The following INPP4B variants were observed in gnomAD, a reference collection of about 807,000 sequenced individuals.
INPP4B encodes inositol polyphosphate 4-phosphatase type II.
INPP4B carries 55 observed loss-of-function variants against 122.5 expected under a neutral mutation model. That is an observed-to-expected ratio of 0.45 (90% CI 0.36 to 0.56). INPP4B has a LOEUF of 0.56. INPP4B is among the 20% of genes least tolerant of loss of function. The probability of loss-of-function intolerance (pLI) is 0.00; values close to 1 mark genes in which losing one functional copy is unlikely to be tolerated. For synonymous variants in INPP4B, 403 were observed against 388.7 expected (o/e 1.04, Z -0.43); for missense variants, 1,000 against 1,097.7 (o/e 0.91, Z 1.26).
intron 16 of INPP4B, among the ~76,000 whole-genome samples, chr4:142,161,318 C>T (rs1561332658): frequency 6.6e-6 from 1 of 151,936 alleles, no homozygotes; most frequent in African/African-American, 2.4e-5. Flanking sequence ...TTGCAATTTC[C>T]TGATGAAATG....
chr4:142,344,072 G>C (rs68057722), intron 7 of INPP4B, among the ~76,000 whole-genome samples: 16,932 of 151,890 alleles, frequency 0.11, 997 homozygotes, highest in East Asian at 0.18. Flanking sequence ...TTTTAATATT[G>C]AATGTGTTTT....
intron 14 of INPP4B, among the ~76,000 whole-genome samples, chr4:142,201,170 A>G (rs968780779): frequency 2.0e-5 from 3 of 152,098 alleles, no homozygotes; most frequent in Admixed American, 2.0e-4. Context: ...GAAGGAAACA[A>G]TTGGAAAGTA....
chr4:142,793,747 T>C (rs1248433722), intron 1 of INPP4B, among the ~76,000 whole-genome samples: 1 of 151,828 alleles, frequency 6.6e-6, no homozygotes, highest in Non-Finnish European at 1.5e-5. Flanking sequence ...ATAAAACCAA[T>C]TGCATTTCAA....
intron 2 of INPP4B, among the ~76,000 whole-genome samples, chr4:142,579,337 T>G (rs911420674): frequency 6.6e-6 from 1 of 152,026 alleles, no homozygotes; most frequent in East Asian, 1.9e-4. Flanking sequence ...AAATATCTCA[T>G]TCAAAGCATA....
chr4:142,838,256 A>G (rs1175891628), intron 1 of INPP4B, among the ~76,000 whole-genome samples: 1 of 152,086 alleles, frequency 6.6e-6, no homozygotes, highest in African/African-American at 2.4e-5. Context: ...TAATTCTAAC[A>G]ATATTGTCTT....
intron 24 of INPP4B, 23 bp downstream of exon 24, chr4:142,086,121 A>G (rs767287829): frequency 7.2e-7 from 1 of 1,390,194 alleles, no homozygotes; most frequent in South Asian, 1.2e-5. Context: ...GCAGGAAATA[A>G]GATTTGACAT....
intron 10 of INPP4B, among the ~76,000 whole-genome samples, chr4:142,266,194 A>G (rs1204458473): frequency 5.3e-5 from 8 of 152,316 alleles, no homozygotes; most frequent in African/African-American, 1.9e-4. Context: ...AGTCTTATAT[A>G]GAACTACAAA....
At chr4:142,152,167 G>A (rs1055373248) in intron 17 of INPP4B, among the ~76,000 whole-genome samples, 1 of 140,716 alleles carries the variant, frequency 7.1e-6, no homozygotes, top group African/African-American at 2.7e-5. Flanking sequence ...TCCGCCTCCC[G>A]GGTTCATGCC....
At chr4:142,210,783 T>C (rs1233504706) in intron 12 of INPP4B, among the ~76,000 whole-genome samples, 1 of 152,160 alleles carries the variant, frequency 6.6e-6, no homozygotes, top group Non-Finnish European at 1.5e-5. Flanking sequence ...TTATATTATC[T>C]CTAAATTATT....
At chr4:142,188,341 G>C (rs1418302877) in intron 15 of INPP4B, among the ~76,000 whole-genome samples, 1 of 151,284 alleles carries the variant, frequency 6.6e-6, no homozygotes, top group Admixed American at 6.6e-5. Flanking sequence ...CAAAAAATTA[G>C]CCAGGCATGG....
chr4:142,100,915 T>C (rs113865172), intron 23 of INPP4B, among the ~76,000 whole-genome samples: 1 of 152,110 alleles, frequency 6.6e-6, no homozygotes, highest in African/African-American at 2.4e-5. Context: ...ATGTGAACTG[T>C]TCAGAGGAAA....
At chr4:142,423,475 G>A (rs1013460107) in intron 5 of INPP4B, among the ~76,000 whole-genome samples, 3 of 151,540 alleles carry the variant, frequency 2.0e-5, no homozygotes, top group Non-Finnish European at 2.9e-5. Context: ...TCCAAAATCA[G>A]TTCACATTAT....
chr4:142,609,160 C>T (rs138945993), intron 2 of INPP4B, among the ~76,000 whole-genome samples: 192 of 151,240 alleles, frequency 1.3e-3, no homozygotes, highest in African/African-American at 4.5e-3. Flanking sequence ...CTTACAGCTC[C>T]GAATAATTTT....
chr4:142,334,267 T>C (rs1775750236), intron 7 of INPP4B, among the ~76,000 whole-genome samples: 1 of 152,246 alleles, frequency 6.6e-6, no homozygotes, highest in South Asian at 2.1e-4. Flanking sequence ...ACTTGTATGA[T>C]ACACACAAAT....
intron 2 of INPP4B, among the ~76,000 whole-genome samples, chr4:142,478,468 C>T (rs1356821865): frequency 1.3e-5 from 2 of 151,878 alleles, no homozygotes; most frequent in African/African-American, 4.8e-5. Context: ...TCCTTCAATG[C>T]CTAGTTGGTT....
At chr4:142,041,197 C>T (rs1383898513) in intron 25 of INPP4B, among the ~76,000 whole-genome samples, 2 of 152,268 alleles carry the variant, frequency 1.3e-5, no homozygotes, top group South Asian at 2.1e-4. Context: ...TATTATCTAA[C>T]TCCATTAAGT....
At chr4:142,558,793 T>TAAAAAAAAAAAAAAAAAAAAAAAAA (rs34151070) in intron 2 of INPP4B, among the ~76,000 whole-genome samples, 1 of 75,546 alleles carries the variant, frequency 1.3e-5, no homozygotes, top group African/African-American at 5.0e-5. Flanking sequence ...AGACTCCCTC[T>TAAAAAAAAAAAAAAAAAAAAAAAAA]AAAAAAAAAA....
Position 142,714,583 on chromosome 4 carries a change from T to C in INPP4B, c.-191+11256A>G, listed in dbSNP as rs141610514. ...TAAACTTGTTGATCATTGATATTAT[T>C]TCCCTGATTCTATTTGTTTTTGCTT... On this transcript the variant is annotated intron_variant, in intron 2 of 25. Transcript: ENST00000262992. 2.3e-3 allele frequency among the ~76,000 whole-genome samples: 343 copies of C among 152,346 alleles called. 1 individual carries two copies. Among genetic ancestry groups the C allele is most frequent in the African/African-American group, 7.5e-3 (313 of 41,578 alleles).
intron 25 of INPP4B, among the ~76,000 whole-genome samples, chr4:142,072,949 G>A (rs183280929): frequency 1.3e-5 from 2 of 152,176 alleles, no homozygotes; most frequent in African/African-American, 4.8e-5. Flanking sequence ...GCTAAGAAGT[G>A]GAGAAATCAG....
Sources: gnomAD v4.1 joint callset for allele counts (sites outside exome capture counted in the v4.1 genomes callset) on GRCh38, gnomAD v4.1.1 for gene constraint, MANE v1.5 for transcripts, NCBI Gene and HGNC (gene_info 2026-07-23, HGNC 2026-07-21) for gene names.